The following PPARGC1A variants were observed in gnomAD, a reference collection of about 807,000 sequenced individuals.
PPARGC1A encodes PPARG coactivator 1 alpha.
In PPARGC1A, 25 loss-of-function variants were observed where a neutral mutation model predicts 88.7. The ratio of observed to expected loss-of-function variants is 0.28; its 90% CI spans 0.21 to 0.39. The LOEUF is 0.39. Among genes scored for constraint, PPARGC1A ranks in the 10% least tolerant of loss-of-function variants. PPARGC1A has a pLI of 1.00. For missense variants in PPARGC1A, 880 were observed against 968.7 expected (o/e 0.91, Z 1.22); for synonymous variants, 363 against 355.6 (o/e 1.02, Z -0.24).
the PPARGC1A span, among the ~76,000 whole-genome samples, chr4:24,285,308 T>C: frequency 6.6e-6 from 1 of 152,142 alleles, no homozygotes; most frequent in African/African-American, 2.4e-5. Flanking sequence ...AAGTAAGAAA[T>C]TAAATCCTGG....
chr4:24,281,924 A>T, the PPARGC1A span, among the ~76,000 whole-genome samples: 4 of 152,230 alleles, frequency 2.6e-5, no homozygotes, highest in Non-Finnish European at 5.9e-5. Flanking sequence ...CTTATCTCTG[A>T]TGCAACAACT....
chr4:24,224,943 G>A, the PPARGC1A span, among the ~76,000 whole-genome samples: 45 of 152,306 alleles, frequency 3.0e-4, 1 homozygote, highest in Non-Finnish European at 5.1e-4. Flanking sequence ...GGAGAAAACA[G>A]CAAGTGCAAA....
At chr4:23,979,718 A>G in the PPARGC1A span, among the ~76,000 whole-genome samples, 127,999 of 152,162 alleles carry the variant, frequency 0.84, 53,925 homozygotes, top group African/African-American at 0.85. Context: ...GGTGCCATGG[A>G]TCCTGGCTGT....
At chr4:23,839,894 C>G (rs1726746739) in intron 2 of PPARGC1A, among the ~76,000 whole-genome samples, 1 of 152,004 alleles carries the variant, frequency 6.6e-6, no homozygotes, top group African/African-American at 2.4e-5. Context: ...ACAGGAAAGA[C>G]CCGCTCTCAT....
chr4:23,817,062 C>A (rs904455334), intron 7 of PPARGC1A, among the ~76,000 whole-genome samples: 1 of 152,086 alleles, frequency 6.6e-6, no homozygotes, highest in South Asian at 2.1e-4. Flanking sequence ...GTCTGCCGCA[C>A]GCCACTTTGT....
chr4:23,913,257 TATATATATATAGAGAGAGAGAGAG>T, the PPARGC1A span, among the ~76,000 whole-genome samples: 6 of 46,090 alleles, frequency 1.3e-4, no homozygotes, highest in African/African-American at 3.9e-4. Flanking sequence ...TATATATATA[TATATATATATAGAGAGAGAGAGAG>T]AGAGAGAGAG....
At chr4:24,438,154 T>C in the PPARGC1A span, among the ~76,000 whole-genome samples, 1 of 152,060 alleles carries the variant, frequency 6.6e-6, no homozygotes, top group Non-Finnish European at 1.5e-5. Flanking sequence ...AATCCAGAGG[T>C]AGCACTGATG....
the PPARGC1A span, among the ~76,000 whole-genome samples, chr4:24,284,146 A>G: frequency 1.6e-3 from 250 of 151,796 alleles, 7 homozygotes; most frequent in East Asian, 0.034. Flanking sequence ...AAAAAAAAAA[A>G]AAATTAGCTG....
At chr4:24,402,920 CT>C in the PPARGC1A span, among the ~76,000 whole-genome samples, 1 of 152,220 alleles carries the variant, frequency 6.6e-6, no homozygotes, top group Non-Finnish European at 1.5e-5. Flanking sequence ...TCCCCACAGC[CT>C]AGTATGATGC....
the PPARGC1A span, among the ~76,000 whole-genome samples, chr4:24,334,770 C>T: frequency 1.3e-5 from 2 of 152,120 alleles, no homozygotes; most frequent in African/African-American, 2.4e-5. Flanking sequence ...AGACAATGCT[C>T]GACTGGATAG....
At chr4:23,811,508 G>T (rs954294397) in intron 10 of PPARGC1A, among the ~76,000 whole-genome samples, 3 of 152,192 alleles carry the variant, frequency 2.0e-5, no homozygotes, top group Non-Finnish European at 4.4e-5. Flanking sequence ...AGACCGTAAG[G>T]CTCTGAGGGG....
intron 2 of PPARGC1A, among the ~76,000 whole-genome samples, chr4:23,844,917 T>C (rs1728038355): frequency 7.1e-6 from 1 of 141,768 alleles, no homozygotes; most frequent in Admixed American, 7.7e-5. Context: ...AAAAAAGAGG[T>C]AGCATTTGGA....
the PPARGC1A span, among the ~76,000 whole-genome samples, chr4:24,093,943 C>G: frequency 1.3e-5 from 2 of 152,220 alleles, no homozygotes; most frequent in South Asian, 2.1e-4. Flanking sequence ...GCTTCCAAGC[C>G]CACAGCAAGA....
the PPARGC1A span, among the ~76,000 whole-genome samples, chr4:24,014,739 A>G: frequency 2.6e-5 from 4 of 152,128 alleles, no homozygotes; most frequent in Non-Finnish European, 5.9e-5. Context: ...ACCTCAGGAA[A>G]GACCCACCCC....
At chr4:23,867,253 C>G (rs1292034939) in intron 2 of PPARGC1A, among the ~76,000 whole-genome samples, 1 of 152,176 alleles carries the variant, frequency 6.6e-6, no homozygotes, top group Non-Finnish European at 1.5e-5. Context: ...TTGCCGAAGT[C>G]TGTCTTTCTC....
the PPARGC1A span, among the ~76,000 whole-genome samples, chr4:24,376,416 T>C: frequency 2.6e-5 from 4 of 152,338 alleles, no homozygotes; most frequent in African/African-American, 7.2e-5. Flanking sequence ...GTTCCATTGA[T>C]AGGTCAATCT....
the PPARGC1A span, among the ~76,000 whole-genome samples, chr4:24,371,348 C>A: frequency 1.3e-5 from 2 of 152,160 alleles, no homozygotes; most frequent in Non-Finnish European, 2.9e-5. Context: ...CCTCTTTGAT[C>A]TATCAGGAAC....
At chr4:24,125,289 G>A in the PPARGC1A span, among the ~76,000 whole-genome samples, 4,315 of 152,180 alleles carry the variant, frequency 0.028, 91 homozygotes, top group Middle Eastern at 0.044. Context: ...CCCAATGAGA[G>A]CTCCAACAAA....
chr4:24,094,429 T>C, the PPARGC1A span, among the ~76,000 whole-genome samples: 21 of 152,228 alleles, frequency 1.4e-4, no homozygotes, highest in African/African-American at 5.1e-4. Context: ...ACTCTCACAC[T>C]TCACTATTTT....
Sources: allele counts gnomAD v4.1 joint callset (sites outside exome capture counted in the v4.1 genomes callset), GRCh38; gene constraint gnomAD v4.1.1; transcripts MANE v1.5; gene names NCBI Gene and HGNC (gene_info 2026-07-23, HGNC 2026-07-21).